The following ANK3 variants were observed in gnomAD, a reference collection of about 807,000 sequenced individuals.
ANK3 encodes ankyrin 3.
A neutral mutation model predicts 370.9 loss-of-function variants in ANK3; 57 were observed. That is an observed-to-expected ratio of 0.15 (90% CI 0.12 to 0.19). The LOEUF is 0.19. Among genes scored for constraint, ANK3 ranks in the 10% least tolerant of loss-of-function variants. The pLI, the probability that ANK3 is intolerant of heterozygous loss-of-function variation, is 1.00. For missense variants in ANK3, 4,439 were observed against 5,302.1 expected (o/e 0.84, Z 5.06); for synonymous variants, 1,929 against 1,946.3 (o/e 0.99, Z 0.23).
intron 1 of ANK3, among the ~76,000 whole-genome samples, chr10:60,373,869 AC>A (rs2060427744): frequency 6.6e-6 from 1 of 152,172 alleles, no homozygotes; most frequent in South Asian, 2.1e-4. Flanking sequence ...GCTTACGCTA[AC>A]CCCAGATGAA....
intron 2 of ANK3, among the ~76,000 whole-genome samples, chr10:60,399,567 G>A (rs74737712): frequency 6.6e-6 from 1 of 152,264 alleles, no homozygotes; most frequent in East Asian, 1.9e-4. Context: ...TCTTGGTCCA[G>A]TTCCTAATGA....
At chr10:60,398,444 T>C (rs2063287822) in intron 2 of ANK3, among the ~76,000 whole-genome samples, 1 of 152,124 alleles carries the variant, frequency 6.6e-6, no homozygotes, top group Non-Finnish European at 1.5e-5. Flanking sequence ...CATGTATATG[T>C]GCATACCTGT....
intron 1 of ANK3, among the ~76,000 whole-genome samples, chr10:60,672,443 A>T (rs910204523): frequency 6.6e-6 from 1 of 152,212 alleles, no homozygotes; most frequent in Admixed American, 6.5e-5. Flanking sequence ...ATAAGCAATC[A>T]TGTCTACATG....
intron 2 of ANK3, among the ~76,000 whole-genome samples, chr10:60,431,476 C>T (rs1219746450): frequency 7.2e-5 from 11 of 152,104 alleles, no homozygotes; most frequent in Non-Finnish European, 1.2e-4. Context: ...CTGTGCAGCC[C>T]GGTTCCTAAC....
At chr10:60,361,187 T>C (rs1396228712) in intron 1 of ANK3, among the ~76,000 whole-genome samples, 1 of 152,248 alleles carries the variant, frequency 6.6e-6, no homozygotes, top group Non-Finnish European at 1.5e-5. Context: ...CTAAGGAAGC[T>C]GTTCAGTATT....
chr10:60,190,224 A>G (rs970179848), intron 16 of ANK3, among the ~76,000 whole-genome samples: 4 of 152,206 alleles, frequency 2.6e-5, no homozygotes, highest in Admixed American at 6.5e-5. Flanking sequence ...ATGCTCTAAG[A>G]AAAAGGACAA....
At chr10:60,521,955 G>A (rs2076357460) in intron 2 of ANK3, among the ~76,000 whole-genome samples, 1 of 152,214 alleles carries the variant, frequency 6.6e-6, no homozygotes, top group Middle Eastern at 3.4e-3. Flanking sequence ...TAAGCATGGA[G>A]GGATGGAGGG....
intron 2 of ANK3, among the ~76,000 whole-genome samples, chr10:60,492,940 T>G (rs1158722312): frequency 4.3e-5 from 6 of 138,496 alleles, no homozygotes; most frequent in African/African-American, 8.0e-5. Context: ...ATTAGCCGGG[T>G]GTAGTGGCAG....
At position 60,075,990 on chromosome 10, in the gene ANK3, C is replaced by T; in HGVS notation, c.4891G>A (p.Gly1631Arg). 1 of 1,614,166 alleles carries T rather than the reference C, an allele frequency of 6.2e-7. No individual in the cohort carries two copies. Among genetic ancestry groups the T allele is most frequent in the Admixed American group, 1.7e-5 (1 of 60,014 alleles). ...ATTGATGACCTCTCCAAAAGAGACC[C>T]TGCTGTAGTCACTGGAGAGGTTCGA... ...SSRTSPVTTA[G>R]SLLERSSITM... Residue 1631 changes from glycine (G) to arginine (R), a missense_variant, in exon 37 of 44, where the codon GGG becomes AGG. Physicochemically the swap from Gly to Arg is moderately radical, Grantham distance 125. Coordinates refer to ENST00000280772, the MANE Select transcript of ANK3 (RefSeq NM_020987.5).
intron 2 of ANK3, among the ~76,000 whole-genome samples, chr10:60,436,044 C>T (rs2064148676): frequency 1.3e-5 from 2 of 151,324 alleles, no homozygotes; most frequent in African/African-American, 2.4e-5. Flanking sequence ...GCGGAGATCG[C>T]GCCACAGCAC....
chr10:60,134,162 G>T, intron 25 of ANK3, 109 bp downstream of exon 25: 1 of 887,258 alleles, frequency 1.1e-6, no homozygotes, highest in Non-Finnish European at 1.7e-6. Context: ...ATTTACAAAT[G>T]TAAAATCAAA....
chr10:60,561,274 C>T (rs1247062072), intron 2 of ANK3, among the ~76,000 whole-genome samples: 2 of 152,148 alleles, frequency 1.3e-5, no homozygotes, highest in Non-Finnish European at 2.9e-5. Context: ...TCATTGATAT[C>T]ATTTGCAAAA....
chr10:60,047,275 C>CCAGA lies in ANK3; in HGVS notation c.13066-4517_13066-4516insTCTG, dbSNP rs1589220114. Among the ~76,000 whole-genome samples, 4 of 152,200 alleles carry CCAGA rather than the reference C, an allele frequency of 2.6e-5. No individual in the cohort carries two copies. In the East Asian group the frequency reaches 5.8e-4, roughly 22 times the overall value. On this transcript the variant is annotated intron_variant, in intron 42 of 43. Coordinates refer to ENST00000280772, the MANE Select transcript of ANK3 (RefSeq NM_020987.5). ...GGTGTTACATTTTCACCTCTGGTGA[C>CCAGA]GGTATTAATGAAAATTAACTGTACT...
At chr10:60,491,602 T>G (rs1169357973) in intron 2 of ANK3, among the ~76,000 whole-genome samples, 1 of 152,218 alleles carries the variant, frequency 6.6e-6, no homozygotes, top group Non-Finnish European at 1.5e-5. Context: ...CAAGGAAGTT[T>G]GATATAGTTG....
chr10:60,234,389 T>A (rs544898430), intron 8 of ANK3, among the ~76,000 whole-genome samples: 130 of 152,346 alleles, frequency 8.5e-4, no homozygotes, highest in African/African-American at 3.1e-3. Context: ...ATAGAATAAC[T>A]TGCAGTTTTA....
intron 43 of ANK3, among the ~76,000 whole-genome samples, chr10:60,042,136 AAAAC>A (rs1414941391): frequency 6.6e-6 from 1 of 152,236 alleles, no homozygotes; most frequent in African/African-American, 2.4e-5. Context: ...TTTAACTTAA[AAAAC>A]AAACAACAGT....
chr10:60,268,071 G>T (rs2097908665), intron 5 of ANK3, among the ~76,000 whole-genome samples: 1 of 152,138 alleles, frequency 6.6e-6, no homozygotes, highest in Admixed American at 6.6e-5. Context: ...ACTCACAGGT[G>T]CAACCACAGA....
intron 1 of ANK3, among the ~76,000 whole-genome samples, chr10:60,298,370 T>C (rs1349295218): frequency 1.3e-5 from 2 of 152,192 alleles, no homozygotes; most frequent in African/African-American, 2.4e-5. Context: ...TTATCTACTA[T>C]ACCCTCTTTG....
At chr10:60,672,567 A>T (rs2079075443) in intron 1 of ANK3, among the ~76,000 whole-genome samples, 1 of 152,232 alleles carries the variant, frequency 6.6e-6, no homozygotes, top group Non-Finnish European at 1.5e-5. Flanking sequence ...CAGAAGCTCC[A>T]GTGCTCAGGA....
Sources: gnomAD v4.1 joint callset for allele counts (sites outside exome capture counted in the v4.1 genomes callset) on GRCh38, gnomAD v4.1.1 for gene constraint, MANE v1.5 for transcripts, NCBI Gene and HGNC (gene_info 2026-07-23, HGNC 2026-07-21) for gene names.